The following PTGES3 variants were observed in gnomAD, a reference collection of about 807,000 sequenced individuals.
The protein encoded by PTGES3 is Hsp90 co-chaperone.
Under a neutral mutation model 29.9 loss-of-function variants are expected in PTGES3, and 5 were observed. The observed-to-expected ratio is 0.17, with a 90% confidence interval of 0.09 to 0.35. PTGES3 has a LOEUF of 0.35. PTGES3 is among the 10% of genes least tolerant of loss of function. PTGES3 has a pLI of 1.00. For missense variants in PTGES3, 128 were observed against 190.0 expected, an observed-to-expected ratio of 0.67 and a Z score of 1.92; for synonymous variants, 49 against 57.8, an observed-to-expected ratio of 0.85 and a Z score of 0.69.
intron 1 of PTGES3, chr12:56,687,228 T>G (rs927916031): frequency 2.9e-6 from 3 of 1,031,164 alleles, no homozygotes; most frequent in Non-Finnish European, 3.5e-6. Context: ...TCCTACACTG[T>G]AACAAGATAG....
intron 4 of PTGES3, chr12:56,670,777 A>G (rs1383384513): frequency 5.7e-6 from 1 of 175,342 alleles, no homozygotes; most frequent in East Asian, 1.4e-4. Context: ...GTGACTTTGT[A>G]TTTTTAGGAG....
intron 5 of PTGES3, among the ~76,000 whole-genome samples, 186 bp downstream of exon 5, chr12:56,670,089 A>G (rs1951945219): frequency 6.6e-6 from 1 of 152,186 alleles, no homozygotes; most frequent in South Asian, 2.1e-4. Context: ...AAAATCATTA[A>G]AATGGTTCAA....
intron 1 of PTGES3, among the ~76,000 whole-genome samples, chr12:56,680,781 GTT>G (rs11302495): frequency 0.038 from 5,337 of 141,840 alleles, 123 homozygotes; most frequent in Non-Finnish European, 0.053. Flanking sequence ...TTTTTTAAAA[GTT>G]TTTTTTTTTT....
intron 3 of PTGES3, among the ~76,000 whole-genome samples, chr12:56,672,442 C>T (rs575700745): frequency 2.9e-4 from 44 of 152,176 alleles, no homozygotes; most frequent in African/African-American, 9.6e-4. Flanking sequence ...TGCAGTGAGC[C>T]GGGATCGCTC....
chr12:56,676,920 CAAAAAAAAAAAAAAA>C (rs34739170), intron 1 of PTGES3, among the ~76,000 whole-genome samples: 1 of 50,546 alleles, frequency 2.0e-5, no homozygotes, highest in Non-Finnish European at 3.3e-5. Flanking sequence ...GATTCCGACT[CAAAAAAAAAAAAAAA>C]AAAAAAAAAA....
At chr12:56,679,162 C>T (rs1952407662) in intron 1 of PTGES3, among the ~76,000 whole-genome samples, 1 of 152,004 alleles carries the variant, frequency 6.6e-6, no homozygotes, top group Non-Finnish European at 1.5e-5. Context: ...CTAATATCAG[C>T]ACTTTGGGAG....
intron 1 of PTGES3, among the ~76,000 whole-genome samples, chr12:56,676,142 A>AG (rs1952231534): frequency 1.0e-5 from 1 of 100,474 alleles, no homozygotes; most frequent in Non-Finnish European, 2.1e-5. Flanking sequence ...GGGGAGGGGG[A>AG]GGGGGAGGTG....
chr12:56,687,979 G>A lies in PTGES3; in HGVS notation c.2+19C>T. 6.2e-7 allele frequency: 1 copy of A among 1,601,058 alleles called. No individual in the cohort carries two copies. Among genetic ancestry groups the A allele is most frequent in the South Asian group, 1.1e-5 (1 of 90,584 alleles). On this transcript the variant is annotated intron_variant, in intron 1 of 7. Transcript: ENST00000262033. ...CGGCCTCACTCGGCGACCTTCCCTC[G>A]GCGGGGTGTCGCACTCACATTGTGA...
At chr12:56,676,086 C>T (rs992919110) in intron 1 of PTGES3, among the ~76,000 whole-genome samples, 4 of 140,408 alleles carry the variant, frequency 2.8e-5, no homozygotes, top group Admixed American at 7.3e-5. Context: ...ATTAGCCAGG[C>T]GAGGTGGCGT....
intron 1 of PTGES3, chr12:56,687,056 G>T: frequency 5.0e-6 from 2 of 400,798 alleles, no homozygotes; most frequent in Non-Finnish European, 4.1e-6. Context: ...AGTTCCCACT[G>T]TACGCGGCAG....
At chr12:56,679,565 G>A (rs1211061150) in intron 1 of PTGES3, among the ~76,000 whole-genome samples, 1 of 152,080 alleles carries the variant, frequency 6.6e-6, no homozygotes, top group Non-Finnish European at 1.5e-5. Flanking sequence ...CTTACACAAT[G>A]GTTATGAGTT....
At chr12:56,680,213 T>C (rs1316586909) in intron 1 of PTGES3, among the ~76,000 whole-genome samples, 1 of 151,258 alleles carries the variant, frequency 6.6e-6, no homozygotes, top group African/African-American at 2.4e-5. Flanking sequence ...TAGATGGAAC[T>C]ACAGGCATGC....
chr12:56,686,563 G>C (rs952046940), intron 1 of PTGES3, among the ~76,000 whole-genome samples: 64 of 151,964 alleles, frequency 4.2e-4, no homozygotes, highest in African/African-American at 1.5e-3. Flanking sequence ...TTTTTGCAGC[G>C]ACGCGGTTTC....
intron 6 of PTGES3, 30 bp from the exon 7 acceptor site, chr12:56,664,830 T>C: frequency 6.3e-7 from 1 of 1,591,370 alleles, no homozygotes; most frequent in African/African-American, 1.4e-5. Context: ...GTTACCGAGC[T>C]GATCAAATAT....
At position 56,665,898 on chromosome 12, in the gene PTGES3, G is replaced by A. The variant is rs887113125; in HGVS notation, c.438+306C>T. 3.1e-6 allele frequency: 3 copies of A among 981,326 alleles called. No individual in the cohort carries two copies. The African/African-American group carries it at 5.2e-5, about 17-fold the overall frequency. 60.8% of individuals were successfully genotyped at this position (981,326 alleles called of 1,614,324 possible). On this transcript the variant is annotated intron_variant, in intron 6 of 7. Coordinates refer to ENST00000262033, the MANE Select transcript of PTGES3 (RefSeq NM_006601.7). The stretch of plus-strand genomic sequence containing the variant: ...GCCCACCTGGCCTGCTGGGATAACA[G>A]ACATGAGCCACCTCGCCCGGCCTAA...
chr12:56,675,077 G>A (rs905509379), intron 1 of PTGES3, among the ~76,000 whole-genome samples: 2 of 149,672 alleles, frequency 1.3e-5, no homozygotes, highest in East Asian at 2.0e-4. Context: ...AGAGGCAGGC[G>A]GATCACGAGG....
At chr12:56,665,172 T>C (rs1275652352) in intron 6 of PTGES3, 3 of 985,244 alleles carry the variant, frequency 3.0e-6, no homozygotes, top group Non-Finnish European at 3.6e-6. Flanking sequence ...TAAGTGTTTT[T>C]CTAAATAGCA....
intron 1 of PTGES3, among the ~76,000 whole-genome samples, chr12:56,680,559 T>A (rs1952484904): frequency 1.3e-5 from 2 of 151,962 alleles, no homozygotes; most frequent in Non-Finnish European, 2.9e-5. Context: ...CAATTTTTTT[T>A]AAGTAGAGAT....
At chr12:56,666,771 C>G (rs190510831) in intron 5 of PTGES3, among the ~76,000 whole-genome samples, 1 of 151,846 alleles carries the variant, frequency 6.6e-6, no homozygotes, top group East Asian at 1.9e-4. Context: ...GGATTACAGG[C>G]GCGTACCACC....
Sources: allele counts gnomAD v4.1 joint callset (sites outside exome capture counted in the v4.1 genomes callset), GRCh38; gene constraint gnomAD v4.1.1; transcripts MANE v1.5; gene names NCBI Gene and HGNC (gene_info 2026-07-23, HGNC 2026-07-21).